Variants in CHIA observed in about 807,000 individuals in gnomAD.
The protein encoded by CHIA is acidic mammalian chitinase.
Under a neutral mutation model 53.5 loss-of-function variants are expected in CHIA, and 47 were observed. The observed-to-expected ratio is 0.88, with a 90% CI of 0.70 to 1.12. The LOEUF is 1.12. Ranked by LOEUF, CHIA falls within the 50% of genes most tolerant of loss-of-function variation. The probability of loss-of-function intolerance (pLI) is 0.00; values close to 1 mark genes in which losing one functional copy is unlikely to be tolerated. For synonymous variants in CHIA, 268 were observed against 222.2 expected, an observed-to-expected ratio of 1.21 and a Z score of -1.83; for missense variants, 652 against 592.2, an observed-to-expected ratio of 1.10 and a Z score of -1.05.
intron 1 of CHIA, among the ~76,000 whole-genome samples, chr1:111,302,308 T>C (rs1453566722): frequency 6.6e-6 from 1 of 152,136 alleles, no homozygotes; most frequent in Non-Finnish European, 1.5e-5. Flanking sequence ...TGGGTTTAAT[T>C]TGTGTTTCTT....
chr1:111,314,030 C>T (rs960038932), intron 4 of CHIA, among the ~76,000 whole-genome samples: 5 of 152,090 alleles, frequency 3.3e-5, no homozygotes, highest in Admixed American at 2.0e-4. Context: ...GCAATCCAAC[C>T]GAATTGGAAT....
rs1200019867 is a variant in CHIA, at chr1:111,311,677, C to A, written c.26-12C>A. The stretch of plus-strand genomic sequence containing the variant: ...AATCGGTTCAAAGTACATGCTTTTT[C>A]TTTCTATCCAGGTCTTGTCCTTATA... On this transcript the variant is annotated splice_polypyrimidine_tract_variant and intron_variant, in intron 2 of 11. Coordinates refer to ENST00000369740, the MANE Select transcript of CHIA (RefSeq NM_201653.4). 6.2e-7 allele frequency: 1 copy of A among 1,613,952 alleles called. No individual in the cohort carries two copies. The highest frequency in any genetic ancestry group is 2.2e-5 in the East Asian group (1 of 44,862).
rs773368726 is a variant in CHIA at position 111,320,417 on chromosome 1, A to G, written c.1382A>G (p.Gln461Arg). 5.0e-6 allele frequency: 8 copies of G among 1,614,224 alleles called. No individual in the cohort carries two copies. Among genetic ancestry groups the G allele is most frequent in the Non-Finnish European group, 6.8e-6 (8 of 1,180,028 alleles). The change falls in exon 12 of 12, where the codon CAG (glutamine) becomes CGG (arginine). Residue 461 changes from glutamine to arginine, a missense_variant. Transcript: ENST00000369740. The part of the protein sequence containing the change: ...VNGVTYQQNC[Q>R]AGLVFDTSCD... ...GGAGTCACGTACCAGCAGAACTGCC[A>G]GGCCGGGCTTGTCTTCGACACCAGC...
At chr1:111,292,101 C>G in intron 1 of CHIA, among the ~76,000 whole-genome samples, 1 of 152,098 alleles carries the variant, frequency 6.6e-6, no homozygotes, top group East Asian at 1.9e-4. Context: ...TCCCCTTTCC[C>G]CTATAATTAC....
rs1486995260 is a variant in CHIA, at chr1:111,312,231, C to T, written c.97C>T (p.Gln33Ter). Reference protein sequence around the residue: ...QLTCYFTNWAQYRPGLGRFMP... With the variant: ...QLTCYFTNWA The stretch of plus-strand genomic sequence containing the variant: ...GACATGCTACTTCACCAACTGGGCC[C>T]AGTACCGGCCAGGCCTGGGGCGCTT... The change falls in exon 4 of 12, where the codon CAG (glutamine) becomes TAG (stop). Residue 33 changes from glutamine (Q) to a stop codon, truncating the protein, a stop_gained. Coordinates refer to ENST00000369740, the MANE Select transcript of CHIA (RefSeq NM_201653.4). LOFTEE classifies it high-confidence loss of function. 6.2e-7 allele frequency: 1 copy of T among 1,614,122 alleles called. No homozygotes were observed.
chr1:111,311,457 C>G (rs1648664331), intron 2 of CHIA, among the ~76,000 whole-genome samples: 1 of 152,100 alleles, frequency 6.6e-6, no homozygotes, highest in Non-Finnish European at 1.5e-5. Context: ...CATTCAGGAA[C>G]ATTTATTTGT....
chr1:111,298,958 A>T (rs1647459214), intron 1 of CHIA, among the ~76,000 whole-genome samples: 1 of 152,194 alleles, frequency 6.6e-6, no homozygotes, highest in African/African-American at 2.4e-5. Flanking sequence ...TATTATAAAC[A>T]CCTCTACACA....
At chr1:111,311,643 G>A in intron 2 of CHIA, 46 bp from the exon 3 acceptor site, 2 of 1,605,960 alleles carry the variant, frequency 1.2e-6, no homozygotes, top group South Asian at 1.1e-5. Context: ...GATTCTACGG[G>A]GTACAGACAA....
At position 111,319,479 on chromosome 1, in the gene CHIA, G is replaced by C; in HGVS notation, c.1177+11G>C. On this transcript the variant is annotated intron_variant, in intron 11 of 11. Coordinates refer to ENST00000369740, the MANE Select transcript of CHIA (RefSeq NM_201653.4). ...GCCTGCAGAGTGCAAGTAAGTGACT[G>C]AGGGGGAATGCCCAGGTGTATAAAT... is the stretch of plus-strand genomic sequence containing the variant. The C allele has an allele frequency of 6.2e-7, 1 of 1,612,936 alleles. No individual in the cohort carries two copies. Among genetic ancestry groups the C allele is most frequent in the Non-Finnish European group, 8.5e-7 (1 of 1,179,674 alleles).
intron 1 of CHIA, among the ~76,000 whole-genome samples, chr1:111,299,419 C>A (rs1282949600): frequency 6.6e-6 from 1 of 152,176 alleles, no homozygotes; most frequent in Non-Finnish European, 1.5e-5. Context: ...CCCTGGGATG[C>A]AAGGCTGGTT....
At chr1:111,295,454 T>C (rs1056317545) in intron 1 of CHIA, among the ~76,000 whole-genome samples, 1 of 152,246 alleles carries the variant, frequency 6.6e-6, no homozygotes, top group Non-Finnish European at 1.5e-5. Flanking sequence ...AGAAATTTGT[T>C]CATTTCATTT....
intron 1 of CHIA, among the ~76,000 whole-genome samples, chr1:111,305,366 T>G (rs760173265): frequency 5.9e-5 from 9 of 152,250 alleles, no homozygotes; most frequent in South Asian, 4.1e-4. Context: ...GCAAGAACAA[T>G]GACTGCCTAC....
intron 11 of CHIA, 67 bp downstream of exon 11, chr1:111,319,535 A>T: frequency 6.8e-7 from 1 of 1,477,088 alleles, no homozygotes. Context: ...AGCAACCCTG[A>T]TGTCTTCCCA....
At chr1:111,305,351 G>A (rs190145301) in intron 1 of CHIA, among the ~76,000 whole-genome samples, 7 of 152,298 alleles carry the variant, frequency 4.6e-5, no homozygotes, top group Admixed American at 4.6e-4. Flanking sequence ...ACAATGGGGG[G>A]AGGTGCAAGA....
At chr1:111,304,676 G>A (rs1388053324) in intron 1 of CHIA, among the ~76,000 whole-genome samples, 1 of 151,978 alleles carries the variant, frequency 6.6e-6, no homozygotes, top group Non-Finnish European at 1.5e-5. Flanking sequence ...TTTTTTTAGA[G>A]CATATTCAAG....
In CHIA at chr1:111,318,552, AT is replaced by A. The variant is rs1557749759; in HGVS notation, c.791del (p.Phe264SerfsTer10). ...GAPAEKLIVG[F>X]PTYGHNFILS... ...CACCAGCTGAGAAGCTCATCGTTGG[AT>A]TCCCTACCTATGGACACAACTTCAT... On this transcript the variant is annotated frameshift_variant, in exon 9 of 12. Transcript: ENST00000369740. LOFTEE classifies it high-confidence loss of function. 6.2e-7 allele frequency: 1 copy of A among 1,614,202 alleles called. No homozygotes were observed. The highest frequency in any genetic ancestry group is 8.5e-7 in the Non-Finnish European group (1 of 1,180,032).
intron 1 of CHIA, among the ~76,000 whole-genome samples, chr1:111,302,971 C>A (rs934684764): frequency 5.3e-5 from 8 of 152,018 alleles, no homozygotes; most frequent in Admixed American, 5.2e-4. Context: ...TTGTTCGATT[C>A]TTGCTGTATT....
intron 1 of CHIA, among the ~76,000 whole-genome samples, chr1:111,305,792 G>A (rs1648132195): frequency 6.6e-6 from 1 of 152,034 alleles, no homozygotes; most frequent in Non-Finnish European, 1.5e-5. Context: ...TTTAAGCTAA[G>A]CATATTGGAA....
chr1:111,299,987 A>G (rs1341905430), intron 1 of CHIA, among the ~76,000 whole-genome samples: 4 of 152,190 alleles, frequency 2.6e-5, no homozygotes, highest in Admixed American at 1.3e-4. Flanking sequence ...TACAATCACT[A>G]CAAAGAGAAT....
Sources: gnomAD v4.1 joint callset for allele counts (sites outside exome capture counted in the v4.1 genomes callset) on GRCh38, gnomAD v4.1.1 for gene constraint, MANE v1.5 for transcripts, NCBI Gene and HGNC (gene_info 2026-07-23, HGNC 2026-07-21) for gene names.